The following ARL10 variants were observed in gnomAD, a reference collection of about 807,000 sequenced individuals.
The protein encoded by ARL10 is ARF like GTPase 10, also known as ADP-ribosylation factor-like protein 10.
In ARL10, 23 loss-of-function variants were observed where a neutral mutation model predicts 26.1. That is an observed-to-expected ratio of 0.88 (90% CI 0.63 to 1.25). The LOEUF is 1.25. ARL10 is among the 50% of genes most tolerant of loss of function. ARL10 has a pLI of 0.00. For missense variants in ARL10, 300 were observed against 323.6 expected (o/e 0.93, Z 0.56); for synonymous variants, 138 against 149.1 (o/e 0.93, Z 0.54).
At chr5:176,388,732 A>C (rs1013896762), downstream of ARL10, 29 of 1,540,394 alleles carry the variant, frequency 1.9e-5, no homozygotes, top group Non-Finnish European at 2.5e-5. Context: ...TACAAGGCTC[A>C]ATTTATTCGT....
the ARL10 span, among the ~76,000 whole-genome samples, chr5:176,407,382 G>A: frequency 6.6e-6 from 1 of 152,190 alleles, no homozygotes; most frequent in African/African-American, 2.4e-5. Flanking sequence ...TCAGCTCACT[G>A]CAACCTCTGC....
rs62402471 is a variant in ARL10, at chr5:176,375,142, A to G, written c.*3247A>G. On this transcript the variant is annotated 3_prime_UTR_variant, in exon 4 of 4. Transcript: ENST00000310389. ...CGTCCACCCGTCCACCCGTCCACCC[A>G]TCCACCCACCCACCCATCCATCCAC... 9.2e-3 allele frequency: 555 copies of G among 60,336 alleles called. 6 individuals are homozygous for G. Among genetic ancestry groups the G allele is most frequent in the African/African-American group, 0.027 (489 of 17,910 alleles). The allele number at this position is 60,336 out of a possible 1,614,324, so 3.7% of individuals were successfully genotyped here.
downstream of ARL10, chr5:176,389,479 T>C (rs1308021532): frequency 6.2e-7 from 1 of 1,613,764 alleles, no homozygotes; most frequent in Admixed American, 1.7e-5. Context: ...CTGTCACTGC[T>C]ATGAAGTCTC....
the ARL10 span, among the ~76,000 whole-genome samples, chr5:176,412,365 C>A: frequency 6.6e-6 from 1 of 152,076 alleles, no homozygotes; most frequent in Admixed American, 6.6e-5. Context: ...TTACTCATGA[C>A]CCCCAGGGTC....
At position 176,371,267 on chromosome 5, in the gene ARL10, A is replaced by T. The variant is rs149237146; in HGVS notation, c.562-455A>T. 7.9e-4 allele frequency among the ~76,000 whole-genome samples: 120 copies of T among 152,226 alleles called. No homozygotes were observed. The East Asian group carries it at 0.014, about 18-fold the overall frequency. ...GCTCACACCTGTAGTCCCAGCTACT[A>T]GGGAGGCTGAAGCAGGAGAATCGCT... On this transcript the variant is annotated intron_variant, in intron 3 of 3. Transcript: ENST00000310389.
intron 1 of ARL10, chr5:176,397,622 T>C: frequency 6.3e-7 from 1 of 1,588,332 alleles, no homozygotes; most frequent in African/African-American, 1.4e-5. Context: ...GTTGATCTTG[T>C]TCTTCTCTAC....
chr5:176,366,712 T>C, intron 2 of ARL10, 131 bp downstream of exon 2: 1 of 1,152,416 alleles, frequency 8.7e-7, no homozygotes, highest in Non-Finnish European at 1.2e-6. Flanking sequence ...CCCACCGCTC[T>C]CCGGGGCACA....
At chr5:176,412,103 G>A in the ARL10 span, among the ~76,000 whole-genome samples, 1 of 150,980 alleles carries the variant, frequency 6.6e-6, no homozygotes, top group African/African-American at 2.4e-5. Context: ...GTGAACCCGG[G>A]AGGCGGAGCT....
In ARL10 at chr5:176,378,253, A is replaced by G. The variant is rs906211722; in HGVS notation, c.*6358A>G. ...TCATCAATCTAGTGGCATTCATTCAATTTGCACATCCTAACTGTTTCAGCA... is the reference window on the plus strand; with the variant it reads ...TCATCAATCTAGTGGCATTCATTCAGTTTGCACATCCTAACTGTTTCAGCA... On this transcript the variant is annotated 3_prime_UTR_variant, in exon 4 of 4. Transcript: ENST00000310389. The G allele has an allele frequency of 4.6e-5, 7 of 152,258 alleles. No homozygotes were observed. The highest frequency in any genetic ancestry group is 1.4e-4 in the African/African-American group (6 of 41,466). 9.4% of individuals were successfully genotyped at this position (152,258 alleles called of 1,614,324 possible).
At chr5:176,397,154 G>A (rs1228745141) in intron 1 of ARL10, among the ~76,000 whole-genome samples, 6 of 151,976 alleles carry the variant, frequency 3.9e-5, no homozygotes, top group Non-Finnish European at 2.9e-5. Flanking sequence ...CATCTCCTCC[G>A]TGCCTACCCC....
the ARL10 span, among the ~76,000 whole-genome samples, chr5:176,412,401 G>A: frequency 4.4e-4 from 67 of 152,208 alleles, no homozygotes; most frequent in African/African-American, 1.5e-3. Context: ...ACCAGGCTCC[G>A]TGTCCTATTC....
chr5:176,399,914 G>A (rs1258340651), intron 1 of ARL10, among the ~76,000 whole-genome samples: 2 of 145,860 alleles, frequency 1.4e-5, no homozygotes, highest in African/African-American at 2.5e-5. Flanking sequence ...GGAATAGACC[G>A]GGCACAGTGA....
At chr5:176,388,664 T>A, downstream of ARL10, 1 of 1,316,814 alleles carries the variant, frequency 7.6e-7, no homozygotes, top group Non-Finnish European at 1.1e-6. Context: ...AGTCCTTTTG[T>A]AGCACTACCG....
chr5:176,384,697 G>A, downstream of ARL10: 1 of 404,686 alleles, frequency 2.5e-6, no homozygotes, highest in Non-Finnish European at 4.4e-6. Context: ...TTCAGCCCGG[G>A]AGGATGAGGC....
rs530766709 is a variant in ARL10 at position 176,393,985 on chromosome 5, C to T, written c.134-7756C>T. ...AGACATGACTGATGGCAGGAGCGCT[C>T]CATGGAAGAGCTGACCCCGGATCAG... On this transcript the variant is annotated intron_variant, in intron 1 of 1. Transcript: ENST00000514533. The surrounding 1 kb of genome is among the most constrained non-coding windows in gnomAD (Gnocchi z 4.4). Among the ~76,000 whole-genome samples, 12 of 152,308 alleles carry T rather than the reference C, an allele frequency of 7.9e-5. No individual in the cohort carries two copies. In the South Asian group the frequency reaches 2.3e-3, roughly 29 times the overall value.
downstream of ARL10, chr5:176,384,095 T>G (rs1335339661): frequency 3.7e-6 from 6 of 1,604,406 alleles, no homozygotes; most frequent in Non-Finnish European, 5.1e-6. Flanking sequence ...TGTGCACGTG[T>G]GTGTGTAACC....
In ARL10 at chr5:176,373,902, A is replaced by G. The variant is rs1328522954; in HGVS notation, c.*2007A>G. The G allele has an allele frequency of 6.6e-6, 1 of 152,240 alleles. No homozygotes were observed. The highest frequency in any genetic ancestry group is 1.5e-5 in the Non-Finnish European group (1 of 68,054). The allele number at this position is 152,240 out of a possible 1,614,324, so 9.4% of individuals were successfully genotyped here. A position where few individuals can be genotyped will look rare whatever the true frequency, so the allele number is the denominator to read the frequency against. On this transcript the variant is annotated 3_prime_UTR_variant, in exon 4 of 4. Coordinates refer to ENST00000310389, the MANE Select transcript of ARL10 (RefSeq NM_173664.6). Reference sequence around the variant, plus strand: ...ACAACTTTAACGAAGTTTAAAAAGTATGTTCTGTTTTTGAGCAGAAAAAAG... The same window carrying G: ...ACAACTTTAACGAAGTTTAAAAAGTGTGTTCTGTTTTTGAGCAGAAAAAAG...
In ARL10 at chr5:176,366,587, C is replaced by G; in HGVS notation, c.385+6C>G. 6.2e-7 allele frequency: 1 copy of G among 1,613,418 alleles called. No homozygotes were observed. The highest frequency in any genetic ancestry group is 1.1e-5 in the South Asian group (1 of 91,044). The stretch of plus-strand genomic sequence containing the variant: ...TGAGGTGGACCTGCTAGAAAGTGAG[C>G]GGACACCCTACCCCATCTCCCCGTC... On this transcript the variant is annotated splice_donor_region_variant and intron_variant, in intron 2 of 3. Coordinates refer to ENST00000310389, the MANE Select transcript of ARL10 (RefSeq NM_173664.6).
At chr5:176,412,395 G>A in the ARL10 span, among the ~76,000 whole-genome samples, 167 of 152,216 alleles carry the variant, frequency 1.1e-3, no homozygotes, top group African/African-American at 3.8e-3. Flanking sequence ...CCCCTTACCA[G>A]GCTCCGTGTC....
Sources: allele counts gnomAD v4.1 joint callset (sites outside exome capture counted in the v4.1 genomes callset), GRCh38; gene constraint gnomAD v4.1.1; non-coding constraint Gnocchi (gnomAD v3.1); transcripts MANE v1.5; gene names NCBI Gene and HGNC (gene_info 2026-07-23, HGNC 2026-07-21).